WIPF1: variants seen among roughly 807,000 people sequenced by gnomAD.
WIPF1 encodes the protein WAS/WASL interacting protein family member 1.
In WIPF1, 13 loss-of-function variants were observed where a neutral mutation model predicts 35.4. The observed-to-expected ratio is 0.37, with a 90% CI of 0.24 to 0.58. The LOEUF is 0.58. Ranked by LOEUF, WIPF1 falls within the 20% of genes least tolerant of loss-of-function variation. The pLI is 0.74. For missense variants in WIPF1, 591 were observed against 667.0 expected (o/e 0.89, Z 1.25); for synonymous variants, 267 against 266.3 (o/e 1.00, Z -0.02).
chr2:174,672,116 T>C (rs1363913931), intron 1 of WIPF1, among the ~76,000 whole-genome samples: 1 of 152,208 alleles, frequency 6.6e-6, no homozygotes, highest in Non-Finnish European at 1.5e-5. Context: ...TTTCCCTTTA[T>C]TTCTCAGACC....
At chr2:174,568,164 G>A in intron 5 of WIPF1, 91 bp from the exon 6 acceptor site, 2 of 1,382,182 alleles carry the variant, frequency 1.4e-6, no homozygotes, top group Non-Finnish European at 1.9e-6. Flanking sequence ...AGGACTTGCT[G>A]GACACATGCC....
At chr2:174,638,709 T>A (rs1287098079) in intron 1 of WIPF1, among the ~76,000 whole-genome samples, 1 of 152,250 alleles carries the variant, frequency 6.6e-6, no homozygotes, top group African/African-American at 2.4e-5. Flanking sequence ...TTCATCCATG[T>A]TGTCACAAAT....
chr2:174,567,289 G>A (rs960775758), intron 6 of WIPF1, 106 bp from the exon 7 acceptor site: 52 of 1,061,948 alleles, frequency 4.9e-5, no homozygotes, highest in Non-Finnish European at 7.2e-5. Flanking sequence ...AGACATCAGT[G>A]CTAGTTTTTA....
Position 174,562,080 on chromosome 2 carries a change from C to T in WIPF1, c.*467G>A, listed in dbSNP as rs1214452355. On this transcript the variant is annotated 3_prime_UTR_variant, in exon 8 of 8. Transcript: ENST00000679041. ...CTGCCAAAGATTGGACATCCTGTGA[C>T]TGCAAGTTTCCAGTGAGCCCTTACT... 1 of 1,550,642 alleles carries T rather than the reference C, an allele frequency of 6.4e-7. No homozygotes were observed.
intron 1 of WIPF1, among the ~76,000 whole-genome samples, chr2:174,637,773 C>T (rs538454314): frequency 6.6e-5 from 10 of 152,132 alleles, no homozygotes; most frequent in South Asian, 2.1e-4. Flanking sequence ...GGCGATGGAG[C>T]GAGACTCCGT....
At chr2:174,631,155 A>C (rs1687007716) in intron 1 of WIPF1, among the ~76,000 whole-genome samples, 1 of 152,202 alleles carries the variant, frequency 6.6e-6, no homozygotes, top group Non-Finnish European at 1.5e-5. Context: ...GATCTCAAAG[A>C]TATGTGCAAA....
At chr2:174,572,549 G>T in intron 4 of WIPF1, 103 bp from the exon 5 acceptor site, 1 of 1,425,778 alleles carries the variant, frequency 7.0e-7, no homozygotes, top group Non-Finnish European at 9.5e-7. Context: ...TCCTCAGAGG[G>T]CTATAAAATA....
chr2:174,591,349 C>T (rs1215773483), intron 1 of WIPF1, among the ~76,000 whole-genome samples: 1 of 152,174 alleles, frequency 6.6e-6, no homozygotes, highest in Non-Finnish European at 1.5e-5. Context: ...GTCTATTATC[C>T]ATTGTGGAAA....
intron 1 of WIPF1, among the ~76,000 whole-genome samples, chr2:174,671,643 AG>A (rs1688021127): frequency 6.6e-6 from 1 of 152,182 alleles, no homozygotes. Flanking sequence ...ATGCATTCCC[AG>A]GGGTAGGTCT....
rs770503150 is a variant in WIPF1, at chr2:174,572,128, C to T, written c.677G>A (p.Arg226His). ...GPTPPPFPGN[R>H]GTALGGGSIR... ...TGAGCCTCCTCCCAAAGCAGTGCCG[C>T]GGTTTCCAGGGAAAGGGGGAGGAGT... The change falls in exon 5 of 8, where the codon CGC (arginine) becomes CAC (histidine). Residue 226 changes from arginine (R) to histidine (H), a missense_variant. Coordinates refer to ENST00000679041, the MANE Select transcript of WIPF1 (RefSeq NM_001375834.1). The T allele has an allele frequency of 2.5e-6, 4 of 1,609,970 alleles. No individual in the cohort carries two copies. Among genetic ancestry groups the T allele is most frequent in the African/African-American group, 1.3e-5 (1 of 74,778 alleles).
At chr2:174,648,819 G>A (rs988343782) in intron 1 of WIPF1, among the ~76,000 whole-genome samples, 2 of 152,096 alleles carry the variant, frequency 1.3e-5, no homozygotes, top group Admixed American at 1.3e-4. Context: ...AGGATTTAGG[G>A]TTATAAAAAC....
At chr2:174,632,098 C>A (rs1396217883) in intron 1 of WIPF1, among the ~76,000 whole-genome samples, 1 of 152,152 alleles carries the variant, frequency 6.6e-6, no homozygotes, top group Non-Finnish European at 1.5e-5. Flanking sequence ...CCACTTTGAC[C>A]TTTAAACTTA....
Position 174,562,070 on chromosome 2 carries a change from C to T in WIPF1, c.*477G>A, listed in dbSNP as rs1304849646. The T allele has an allele frequency of 3.2e-6, 5 of 1,550,502 alleles. No homozygotes were observed. Among genetic ancestry groups the T allele is most frequent in the Non-Finnish European group, 3.5e-6 (4 of 1,146,998 alleles). ...CAAGCTCGGACTGCCAAAGATTGGA[C>T]ATCCTGTGACTGCAAGTTTCCAGTG... On this transcript the variant is annotated 3_prime_UTR_variant, in exon 8 of 8. Coordinates refer to ENST00000679041, the MANE Select transcript of WIPF1 (RefSeq NM_001375834.1).
chr2:174,643,491 C>A (rs1238387166), intron 1 of WIPF1, among the ~76,000 whole-genome samples: 1 of 149,094 alleles, frequency 6.7e-6, no homozygotes, highest in Non-Finnish European at 1.5e-5. Flanking sequence ...CAGCTCACTG[C>A]AACCTCCGCC....
chr2:174,613,625 A>C (rs570898596), intron 1 of WIPF1, among the ~76,000 whole-genome samples: 3 of 152,326 alleles, frequency 2.0e-5, no homozygotes, highest in South Asian at 2.1e-4. Flanking sequence ...CTAAACACTC[A>C]ACAACATTAG....
intron 1 of WIPF1, among the ~76,000 whole-genome samples, chr2:174,605,622 CCTAA>C (rs1686136639): frequency 6.6e-6 from 1 of 151,812 alleles, no homozygotes; most frequent in Non-Finnish European, 1.5e-5. Flanking sequence ...ACAAAGAATC[CCTAA>C]CTTTTAGAGA....
rs115162640 is a variant in WIPF1, at chr2:174,595,999, G to A, written c.-39+1602C>T. Among the ~76,000 whole-genome samples, 1,138 of 152,308 alleles carry A rather than the reference G, an allele frequency of 7.5e-3. 9 individuals are homozygous for A. The highest frequency in any genetic ancestry group is 0.022 in the South Asian group (108 of 4,824). On this transcript the variant is annotated intron_variant, in intron 1 of 7. Coordinates refer to ENST00000679041, the MANE Select transcript of WIPF1 (RefSeq NM_001375834.1). ...GCTTCAAAAGGTCATAACACTTAAA[G>A]GGTCCAGGAATTCAGTATCACTTCA...
chr2:174,677,037 G>A (rs139106099), intron 1 of WIPF1: 5 of 151,980 alleles, frequency 3.3e-5, no homozygotes, highest in East Asian at 1.9e-4. Flanking sequence ...CCTGTTATCC[G>A]AGCTTACTTG....
intron 1 of WIPF1, among the ~76,000 whole-genome samples, chr2:174,605,160 C>T (rs920830574): frequency 2.6e-5 from 4 of 152,184 alleles, no homozygotes; most frequent in Non-Finnish European, 1.5e-5. Context: ...TGTGGGCCAG[C>T]GCAGGGGCTC....
Sources: gnomAD v4.1 joint callset for allele counts (sites outside exome capture counted in the v4.1 genomes callset) on GRCh38, gnomAD v4.1.1 for gene constraint, MANE v1.5 for transcripts, NCBI Gene and HGNC (gene_info 2026-07-23, HGNC 2026-07-21) for gene names.